Variants in ZNF570 observed in about 807,000 individuals in gnomAD.
The protein encoded by ZNF570 is zinc finger protein 570.
ZNF570 carries 8 observed loss-of-function variants against 14.2 expected under a neutral mutation model. The observed-to-expected ratio is 0.56, with a 90% CI of 0.33 to 1.02. ZNF570 has a LOEUF of 1.02. Ranked by LOEUF, ZNF570 falls within the 50% of genes least tolerant of loss-of-function variation. The probability of loss-of-function intolerance (pLI) is 0.03; values close to 1 mark genes in which losing one functional copy is unlikely to be tolerated. For synonymous variants in ZNF570, 202 were observed against 207.6 expected (o/e 0.97, Z 0.23); for missense variants, 559 against 624.9 (o/e 0.89, Z 1.12).
upstream of ZNF570, chr19:37,469,337 G>A (rs181657361): frequency 4.0e-5 from 56 of 1,416,746 alleles, no homozygotes; most frequent in Middle Eastern, 5.7e-4. Flanking sequence ...TGTCCTCCGG[G>A]GGCGGAGGCA....
rs201231522 is a variant in ZNF570, at chr19:37,470,406, G to C, written c.33+19G>C. ...GTACCAGGTGTGTTGGTGTTTTCTC[G>C]ATTTCCTGAATACCTGTCTGCTTTT... On this transcript the variant is annotated intron_variant, in intron 2 of 4. Transcript: ENST00000330173. 1 of 1,610,656 alleles carries C rather than the reference G, an allele frequency of 6.2e-7. No individual in the cohort carries two copies.
At chr19:37,468,094 G>GT (rs145332123), upstream of ZNF570, 109,596 of 662,934 alleles carry the variant, frequency 0.17, 9,457 homozygotes, top group Middle Eastern at 0.27. Flanking sequence ...TGTTTGTTTT[G>GT]TTTTTTTTGA....
chr19:37,469,323 T>C, upstream of ZNF570: 1 of 1,415,220 alleles, frequency 7.1e-7, no homozygotes, highest in East Asian at 2.6e-5. Flanking sequence ...CGGCGGCCCC[T>C]TTGTGTCCTC....
rs774471982 is a variant in ZNF570 at position 37,485,218 on chromosome 19, TCAC to T, written c.1599_1601del (p.His533del). 1.9e-6 allele frequency: 3 copies of T among 1,550,962 alleles called. No individual in the cohort carries two copies. The highest frequency in any genetic ancestry group is 4.1e-5 in the Admixed American group (2 of 49,160). ...CACTGTCACCACCCAACCCAGTCAA[TCAC>T]CAAGTCCTATAGATCCTGAGTCCTA... is the stretch of plus-strand genomic sequence containing the variant. On this transcript the variant is annotated inframe_deletion, in exon 5 of 5. Coordinates refer to ENST00000330173, the MANE Select transcript of ZNF570 (RefSeq NM_144694.5).
At chr19:37,472,361 A>G (rs772798508) in intron 2 of ZNF570, among the ~76,000 whole-genome samples, 20 of 150,320 alleles carry the variant, frequency 1.3e-4, no homozygotes, top group Non-Finnish European at 2.1e-4. Flanking sequence ...TTGTTAATAC[A>G]TAAGTTGTAT....
intron 4 of ZNF570, among the ~76,000 whole-genome samples, chr19:37,482,353 G>A (rs909202885): frequency 4.6e-5 from 7 of 152,182 alleles, no homozygotes; most frequent in African/African-American, 1.4e-4. Flanking sequence ...ATCTTCCTCC[G>A]AGGAGGTCTC....
intron 4 of ZNF570, among the ~76,000 whole-genome samples, chr19:37,480,756 C>T (rs1600385495): frequency 6.6e-6 from 1 of 151,882 alleles, no homozygotes; most frequent in Non-Finnish European, 1.5e-5. Context: ...AGTTTGAGAC[C>T]AGCCTGGGCA....
At position 37,486,000 on chromosome 19, in the gene ZNF570, C is replaced by T. The variant is rs2147028605; in HGVS notation, c.*767C>T. The T allele has an allele frequency of 6.6e-6, 1 of 152,266 alleles. No individual in the cohort carries two copies. The highest frequency in any genetic ancestry group is 1.5e-5 in the Non-Finnish European group (1 of 68,062). 9.4% of individuals were successfully genotyped at this position (152,266 alleles called of 1,614,324 possible). ...GAGGTTGCAGTGAGCCGAGATGGCG[C>T]CATTGCATTCCAACCTGGGCAACAA... On this transcript the variant is annotated 3_prime_UTR_variant, in exon 5 of 5. Transcript: ENST00000330173.
At chr19:37,471,587 C>T (rs2041965429) in intron 2 of ZNF570, among the ~76,000 whole-genome samples, 2 of 152,202 alleles carry the variant, frequency 1.3e-5, no homozygotes, top group Admixed American at 6.5e-5. Context: ...AAATTGTGTA[C>T]AGCCCAGACC....
intron 4 of ZNF570, among the ~76,000 whole-genome samples, chr19:37,483,059 T>A (rs1310623513): frequency 6.6e-6 from 1 of 152,170 alleles, no homozygotes; most frequent in Non-Finnish European, 1.5e-5. Flanking sequence ...ACACCGTCCC[T>A]CTCAGAGTAG....
chr19:37,469,334 C>T (rs1568760187), upstream of ZNF570: 18 of 1,417,602 alleles, frequency 1.3e-5, no homozygotes, highest in South Asian at 1.5e-5. Context: ...TTGTGTCCTC[C>T]GGGGGCGGAG....
At chr19:37,468,041 C>A, upstream of ZNF570, 1 of 979,238 alleles carries the variant, frequency 1.0e-6, no homozygotes, top group Non-Finnish European at 1.5e-6. Flanking sequence ...TCATCTCAGA[C>A]TAGGTACTTA....
chr19:37,470,280 C>G (rs979601350), intron 1 of ZNF570, 24 bp from the exon 2 acceptor site: 2 of 1,608,752 alleles, frequency 1.2e-6, no homozygotes, highest in Admixed American at 1.7e-5. Flanking sequence ...AGTCTAGTTT[C>G]TCATGTTCTT....
intron 2 of ZNF570, among the ~76,000 whole-genome samples, chr19:37,474,756 G>A (rs2042005162): frequency 6.6e-6 from 1 of 151,966 alleles, no homozygotes; most frequent in Non-Finnish European, 1.5e-5. Context: ...ATCTCACCCA[G>A]CCTAGAGACA....
upstream of ZNF570, chr19:37,468,964 C>A: frequency 1.3e-6 from 1 of 799,668 alleles, no homozygotes; most frequent in Non-Finnish European, 1.5e-6. Flanking sequence ...GCCACTAGCG[C>A]GTTCCCACGC....
chr19:37,468,384 C>T (rs371730544), upstream of ZNF570, among the ~76,000 whole-genome samples: 4 of 152,276 alleles, frequency 2.6e-5, no homozygotes, highest in African/African-American at 9.6e-5. Context: ...CCGCACGGGG[C>T]CGGTCTTAAT....
At chr19:37,468,247 G>A (rs182951874), upstream of ZNF570, among the ~76,000 whole-genome samples, 166 of 151,880 alleles carry the variant, frequency 1.1e-3, no homozygotes, top group African/African-American at 3.5e-3. Context: ...CACTCCGCCC[G>A]GCTGATTTTT....
chr19:37,469,338 G>A (rs953922930), upstream of ZNF570: 14 of 1,417,544 alleles, frequency 9.9e-6, no homozygotes, highest in Middle Eastern at 3.8e-4. Flanking sequence ...GTCCTCCGGG[G>A]GCGGAGGCAG....
intron 2 of ZNF570, 123 bp downstream of exon 2, chr19:37,470,510 T>C (rs1444250734): frequency 4.9e-6 from 4 of 818,588 alleles, no homozygotes; most frequent in Non-Finnish European, 8.1e-6. Context: ...ACACTCTCCA[T>C]TGGATTCCCA....
Sources: gnomAD v4.1 joint callset for allele counts (sites outside exome capture counted in the v4.1 genomes callset) on GRCh38, gnomAD v4.1.1 for gene constraint, MANE v1.5 for transcripts, NCBI Gene and HGNC (gene_info 2026-07-23, HGNC 2026-07-21) for gene names.